The following PROM1 variants were observed in gnomAD, a reference collection of about 807,000 sequenced individuals.
PROM1 encodes prominin-1.
A neutral mutation model predicts 116.9 loss-of-function variants in PROM1; 105 were observed. The ratio of observed to expected loss-of-function variants is 0.90; its 90% CI spans 0.77 to 1.06. The LOEUF (loss-of-function observed/expected upper bound fraction) is 1.06. Ranked by LOEUF, PROM1 falls within the 50% of genes least tolerant of loss-of-function variation. The pLI is 0.00. For synonymous variants in PROM1, 393 were observed against 387.0 expected (o/e 1.02, Z -0.18); for missense variants, 1,122 against 1,045.2 (o/e 1.07, Z -1.01).
chr4:16,068,444 C>G (rs540531767), intron 2 of PROM1, among the ~76,000 whole-genome samples: 15 of 152,310 alleles, frequency 9.8e-5, no homozygotes, highest in African/African-American at 3.4e-4. Flanking sequence ...CCATTTCAAT[C>G]CTTAACCTGA....
At chr4:16,000,397 G>A in intron 14 of PROM1, 99 bp downstream of exon 14, 1 of 1,047,840 alleles carries the variant, frequency 9.5e-7, no homozygotes, top group Non-Finnish European at 1.3e-6. Flanking sequence ...AAACCAAACT[G>A]CTTATAAGTT....
At chr4:16,004,639 G>A (rs151129655) in intron 13 of PROM1, among the ~76,000 whole-genome samples, 1 of 152,204 alleles carries the variant, frequency 6.6e-6, no homozygotes, top group African/African-American at 2.4e-5. Flanking sequence ...AACATTAAAA[G>A]TAATGGCAAA....
intron 15 of PROM1, among the ~76,000 whole-genome samples, chr4:15,995,956 G>A (rs530248928): frequency 1.0e-3 from 158 of 152,266 alleles, no homozygotes; most frequent in African/African-American, 3.1e-3. Context: ...CAGGTATACC[G>A]TTACCACAGG....
intron 11 of PROM1, among the ~76,000 whole-genome samples, chr4:16,012,265 G>A (rs1727070006): frequency 6.6e-6 from 1 of 152,144 alleles, no homozygotes; most frequent in South Asian, 2.1e-4. Flanking sequence ...CCAAAGTGCT[G>A]GGATTGCAGG....
In PROM1 at chr4:15,984,519, G is replaced by A. The variant is rs115786924; in HGVS notation, c.2281-164C>T. On this transcript the variant is annotated intron_variant, in intron 22 of 27. Transcript: ENST00000447510. The stretch of plus-strand genomic sequence containing the variant: ...TCACAGATGGATACCAGCTAGTACC[G>A]GTCCACAGCCTGTTAGGAACTGGGC... 1.5e-3 allele frequency among the ~76,000 whole-genome samples: 236 copies of A among 152,286 alleles called. 2 individuals carry two copies. The highest frequency in any genetic ancestry group is 5.4e-3 in the African/African-American group (226 of 41,542).
intron 2 of PROM1, among the ~76,000 whole-genome samples, chr4:16,046,170 G>C (rs1214486045): frequency 1.3e-5 from 2 of 152,214 alleles, no homozygotes; most frequent in Non-Finnish European, 2.9e-5. Flanking sequence ...TCTGGGTCCA[G>C]CCTGCCCTTT....
rs10033086 is a variant in PROM1, at chr4:16,075,778, G to A, written c.129C>T (p.Thr43=). Reference sequence around the variant, plus strand: ...TGGGTCCAGCTTTATGGGAGTCTTGGGTCTCATAATTTGTTGCAGGCAATT... The same window carrying A: ...TGGGTCCAGCTTTATGGGAGTCTTGAGTCTCATAATTTGTTGCAGGCAATT... ...NYELPATNYE[T]QDSHKAGPIG... The change falls in exon 2 of 28, where the codon ACC becomes ACT. Residue 43 remains threonine (T), a synonymous_variant. Coordinates refer to ENST00000447510, the MANE Select transcript of PROM1 (RefSeq NM_006017.3). The A allele has an allele frequency of 0.033, 53,206 of 1,613,598 alleles. 2,743 individuals are homozygous for A. Among genetic ancestry groups the A allele is most frequent in the African/African-American group, 0.24 (18,035 of 74,910 alleles).
At chr4:15,970,899 G>A in intron 27 of PROM1, 144 bp downstream of exon 27, 1 of 623,608 alleles carries the variant, frequency 1.6e-6, no homozygotes, top group Non-Finnish European at 2.8e-6. Context: ...AGGGTGGACT[G>A]GACATATAAA....
Position 16,038,976 on chromosome 4 carries a change from CT to C in PROM1, c.245del (p.Lys82ArgfsTer15). On this transcript the variant is annotated frameshift_variant, in exon 3 of 28. Transcript: ENST00000447510. LOFTEE classifies it high-confidence loss of function. ...PEDTLRKFLQ[K>X]AYESKIDYDK... is the part of the protein sequence containing the mutation. ...CATAATCAATTTTGGATTCATATGC[CT>C]TCTGTAAGAATTTTCTCAAAGTATC... 1 of 1,498,896 alleles carries C rather than the reference CT, an allele frequency of 6.7e-7. No homozygotes were observed. Among genetic ancestry groups the C allele is most frequent in the South Asian group, 1.4e-5 (1 of 70,610 alleles). The allele number at this position is 1,498,896 out of a possible 1,614,324, so 92.8% of individuals were successfully genotyped here.
intron 19 of PROM1, 60 bp from the exon 20 acceptor site, chr4:15,987,776 T>C: frequency 7.2e-7 from 1 of 1,391,320 alleles, no homozygotes; most frequent in African/African-American, 1.4e-5. Flanking sequence ...ATCACATACC[T>C]TGTGTCCTCC....
intron 15 of PROM1, among the ~76,000 whole-genome samples, chr4:15,997,157 T>C (rs992380262): frequency 6.6e-6 from 1 of 151,150 alleles, no homozygotes; most frequent in African/African-American, 2.4e-5. Context: ...TAGGAGCCCA[T>C]TTCACCACTG....
chr4:16,037,527 T>C (rs1734211441), intron 3 of PROM1, among the ~76,000 whole-genome samples: 1 of 152,146 alleles, frequency 6.6e-6, no homozygotes, highest in Non-Finnish European at 1.5e-5. Context: ...GTATCTGAGG[T>C]AACGATTCAC....
intron 9 of PROM1, among the ~76,000 whole-genome samples, chr4:16,016,789 C>A (rs1444450073): frequency 1.3e-5 from 2 of 152,122 alleles, no homozygotes; most frequent in Non-Finnish European, 2.9e-5. Flanking sequence ...CATCAAACAA[C>A]CCTAAACTGA....
chr4:15,980,461 T>C lies in PROM1; in HGVS notation c.2450A>G (p.Lys817Arg), dbSNP rs1231060253. 7 of 1,556,364 alleles carry C rather than the reference T, an allele frequency of 4.5e-6. No individual in the cohort carries two copies. The highest frequency in any genetic ancestry group is 2.7e-5 in the African/African-American group (2 of 73,390). Residue 817 changes from lysine to arginine, a missense_variant, in exon 24 of 28, where the codon AAG becomes AGG. Coordinates refer to ENST00000447510, the MANE Select transcript of PROM1 (RefSeq NM_006017.3). ...CTCCGAATCCATTCGACGATAGTACTTAGCCAGTTTTACCGCAAAAATTAG... is the reference window on the plus strand; with the variant it reads ...CTCCGAATCCATTCGACGATAGTACCTAGCCAGTTTTACCGCAAAAATTAG... ...PALIFAVKLA[K>R]YYRRMDSEDV...
At position 16,000,573 on chromosome 4, in the gene PROM1, CA is replaced by C. The variant is rs1482618215; in HGVS notation, c.1500del (p.Ile500MetfsTer15). On this transcript the variant is annotated frameshift_variant, in exon 14 of 28. Transcript: ENST00000447510. LOFTEE classifies it high-confidence loss of function. ...GCACCAAAGACAAAGGTAAGAACCA[CA>C]ATGATCATCAATATCCAGCAAAAGA... ...SFLFCWILMI[I>X]VVLTFVFGAN... The C allele has an allele frequency of 5.0e-6, 8 of 1,587,542 alleles. No individual in the cohort carries two copies. In the Admixed American group the frequency reaches 6.7e-5, roughly 13 times the overall value.
chr4:15,978,906 A>G (rs967297950), intron 26 of PROM1, among the ~76,000 whole-genome samples: 10 of 152,178 alleles, frequency 6.6e-5, no homozygotes, highest in African/African-American at 2.4e-4. Context: ...TTAATTCTAG[A>G]GAATGTAAAT....
chr4:16,002,021 C>G (rs992555802), intron 13 of PROM1, among the ~76,000 whole-genome samples: 5 of 152,108 alleles, frequency 3.3e-5, no homozygotes, highest in Admixed American at 2.6e-4. Context: ...GCTTCTGGCA[C>G]TGCAGAGAAG....
Position 16,075,717 on chromosome 4 carries a change from A to G in PROM1, c.190T>C (p.Tyr64His). Residue 64 changes from tyrosine (Y) to histidine (H), a missense_variant, in exon 2 of 28, where the codon TAT (tyrosine) becomes CAT (histidine). Coordinates refer to ENST00000447510, the MANE Select transcript of PROM1 (RefSeq NM_006017.3). ...GGGAAATCACGCGGCTGTACCACAT[A>G]GAGAAAGATATGCACTAGTTCAAAG... ...ILFELVHIFL[Y>H]VVQPRDFPED... 1.2e-6 allele frequency: 2 copies of G among 1,613,536 alleles called. No individual in the cohort carries two copies. The highest frequency in any genetic ancestry group is 2.7e-5 in the African/African-American group (2 of 75,038).
chr4:16,067,196 C>G (rs1203122148), intron 2 of PROM1, among the ~76,000 whole-genome samples: 3 of 152,176 alleles, frequency 2.0e-5, no homozygotes, highest in African/African-American at 7.2e-5. Context: ...AGGGAAGAGC[C>G]TACGTTTGGA....
Sources: gnomAD v4.1 joint callset for allele counts (sites outside exome capture counted in the v4.1 genomes callset) on GRCh38, gnomAD v4.1.1 for gene constraint, MANE v1.5 for transcripts, NCBI Gene and HGNC (gene_info 2026-07-23, HGNC 2026-07-21) for gene names.